ADCK1: variants seen among roughly 807,000 people sequenced by gnomAD.
The protein encoded by ADCK1 is aarF domain containing kinase 1, also known as aarF domain-containing protein kinase 1.
Under a neutral mutation model 52.3 loss-of-function variants are expected in ADCK1, and 41 were observed. That is an observed-to-expected ratio of 0.78 (90% CI 0.61 to 1.02). The LOEUF is 1.02. ADCK1 is among the 50% of genes least tolerant of loss of function. ADCK1 has a pLI of 0.00. For missense variants in ADCK1, 658 were observed against 679.5 expected, an observed-to-expected ratio of 0.97 and a Z score of 0.35; for synonymous variants, 250 against 274.6, an observed-to-expected ratio of 0.91 and a Z score of 0.89.
At chr14:77,863,428 C>T (rs1336736997) in intron 4 of ADCK1, among the ~76,000 whole-genome samples, 2 of 152,074 alleles carry the variant, frequency 1.3e-5, no homozygotes, top group African/African-American at 2.4e-5. Flanking sequence ...GTCAGCCACA[C>T]TATGCTGTTA....
chr14:77,883,379 G>A (rs930600771), intron 4 of ADCK1, among the ~76,000 whole-genome samples: 3 of 144,394 alleles, frequency 2.1e-5, no homozygotes, highest in African/African-American at 7.6e-5. Context: ...TGATTGGAGG[G>A]GGGTGGTGTT....
In ADCK1 at chr14:77,899,186, G is replaced by A; in HGVS notation, c.669G>A (p.Glu223=). 1 of 1,614,200 alleles carries A rather than the reference G, an allele frequency of 6.2e-7. No homozygotes were observed. The highest frequency in any genetic ancestry group is 8.5e-7 in the Non-Finnish European group (1 of 1,180,036). Residue 223 remains glutamate, a synonymous_variant, in exon 6 of 11, where the codon GAG becomes GAA. Transcript: ENST00000238561. ...VDEAKKNLPL[E]LDFLNEGRNA... ...AAGCCAAGAAGAACCTGCCTTTGGA[G>A]CTGGATTTCCTCAATGAAGGGAGGA...
intron 6 of ADCK1, among the ~76,000 whole-genome samples, chr14:77,901,076 G>A (rs185179916): frequency 1.0e-3 from 146 of 145,148 alleles, no homozygotes; most frequent in African/African-American, 3.4e-3. Context: ...ACAGAGTCTC[G>A]CTCTGTTGCC....
intron 7 of ADCK1, chr14:77,914,622 C>A (rs10150472): frequency 2.0e-6 from 2 of 980,904 alleles, no homozygotes; most frequent in African/African-American, 3.5e-5. Context: ...AAGTTAGGGC[C>A]CCTGAGATTG....
intron 4 of ADCK1, among the ~76,000 whole-genome samples, chr14:77,877,018 C>G (rs1325505368): frequency 1.5e-5 from 2 of 136,646 alleles, no homozygotes; most frequent in East Asian, 4.7e-4. Context: ...AGTTCGAGAC[C>G]ATCCTGGCCA....
At chr14:77,911,732 C>CTT (rs572112070) in intron 7 of ADCK1, among the ~76,000 whole-genome samples, 24 of 139,082 alleles carry the variant, frequency 1.7e-4, no homozygotes, top group African/African-American at 5.5e-4. Flanking sequence ...CCCCAGCTTT[C>CTT]TTTTTTTTTT....
intron 2 of ADCK1, among the ~76,000 whole-genome samples, chr14:77,821,540 T>C (rs2081582279): frequency 1.3e-5 from 2 of 151,910 alleles, no homozygotes; most frequent in African/African-American, 2.4e-5. Context: ...ATCGTGGAGA[T>C]TGGAATTTTC....
chr14:77,922,963 C>T (rs2084097952), intron 7 of ADCK1, among the ~76,000 whole-genome samples: 1 of 152,130 alleles, frequency 6.6e-6, no homozygotes, highest in Non-Finnish European at 1.5e-5. Context: ...GAGGGTCTCA[C>T]GTTGAACGCA....
intron 7 of ADCK1, among the ~76,000 whole-genome samples, chr14:77,917,736 G>A (rs186291679): frequency 7.2e-5 from 11 of 152,114 alleles, no homozygotes; most frequent in Non-Finnish European, 1.0e-4. Flanking sequence ...TTCCTAAATG[G>A]CACTGTACTG....
At chr14:77,913,229 G>A (rs61990751) in intron 7 of ADCK1, among the ~76,000 whole-genome samples, 8,744 of 152,252 alleles carry the variant, frequency 0.057, 348 homozygotes, top group Non-Finnish European at 0.081. Flanking sequence ...CTGTCCAGGC[G>A]GTTCAGACAC....
chr14:77,860,610 G>C (rs1304949457), intron 4 of ADCK1, among the ~76,000 whole-genome samples: 4 of 152,154 alleles, frequency 2.6e-5, no homozygotes, highest in Admixed American at 2.6e-4. Flanking sequence ...CAAAGGGAGA[G>C]ACATTGAGTG....
chr14:77,854,626 G>T (rs1330061504), intron 3 of ADCK1, among the ~76,000 whole-genome samples: 1 of 143,248 alleles, frequency 7.0e-6, no homozygotes, highest in Non-Finnish European at 1.5e-5. Context: ...GTGTGATCTT[G>T]GTTCACTACA....
At chr14:77,894,698 ACAGT>A (rs1162079938) in intron 5 of ADCK1, among the ~76,000 whole-genome samples, 3 of 131,202 alleles carry the variant, frequency 2.3e-5, no homozygotes, top group South Asian at 2.5e-4. Flanking sequence ...ATTGTAAATA[ACAGT>A]CAGTCGTTTT....
intron 4 of ADCK1, among the ~76,000 whole-genome samples, chr14:77,883,880 C>T (rs1008878938): frequency 2.0e-5 from 3 of 152,130 alleles, no homozygotes; most frequent in African/African-American, 7.2e-5. Context: ...CTTGGGGCCC[C>T]CTTGATTCCC....
intron 3 of ADCK1, among the ~76,000 whole-genome samples, chr14:77,823,560 CTTTATTTATTTATTTA>C (rs66494884): frequency 0.043 from 5,867 of 137,116 alleles, 187 homozygotes; most frequent in South Asian, 0.13. Flanking sequence ...TCTTTCCCCC[CTTTATTTATTTATTTA>C]TTTATTTATT....
intron 3 of ADCK1, among the ~76,000 whole-genome samples, chr14:77,845,093 C>A (rs2082149876): frequency 6.6e-6 from 1 of 152,226 alleles, no homozygotes; most frequent in African/African-American, 2.4e-5. Context: ...TAAGTAGGGG[C>A]AGTAATTGGC....
rs1175916163 is a variant in ADCK1, at chr14:77,905,196, G to A, written c.742-2607G>A. 2.6e-5 allele frequency among the ~76,000 whole-genome samples: 4 copies of A among 151,952 alleles called. 1 individual carries two copies. The East Asian group carries it at 5.8e-4, about 22-fold the overall frequency. ...AGACTGGAATGGTGATGTTTGCAGG[G>A]AGACCAAAAAGGGGGAAACCGCAGT... On this transcript the variant is annotated intron_variant, in intron 6 of 10. Transcript: ENST00000238561.
rs55934334 is a variant in ADCK1 at position 77,907,836 on chromosome 14, C to A, written c.775C>A (p.Arg259=). 7.9e-5 allele frequency: 127 copies of A among 1,614,012 alleles called. No homozygotes were observed. In the East Asian group the frequency reaches 2.7e-3, roughly 35 times the overall value. Residue 259 remains arginine (R), a synonymous_variant, in exon 7 of 11, where the codon CGG becomes AGG. Coordinates refer to ENST00000238561, the MANE Select transcript of ADCK1 (RefSeq NM_020421.4). ...AATCCACTGGGACCTGTCCACGGAG[C>A]GGGTCCTCCTGATGGAGTTTGTGGA... ...PRIHWDLSTE[R]VLLMEFVDGG...
intron 1 of ADCK1, among the ~76,000 whole-genome samples, chr14:77,804,452 T>C (rs905465603): frequency 4.6e-5 from 7 of 152,180 alleles, no homozygotes; most frequent in South Asian, 2.1e-4. Flanking sequence ...CTGAGGACAT[T>C]TGCACGAAAA....
Sources: allele counts gnomAD v4.1 joint callset (sites outside exome capture counted in the v4.1 genomes callset), GRCh38; gene constraint gnomAD v4.1.1; transcripts MANE v1.5; gene names NCBI Gene and HGNC (gene_info 2026-07-23, HGNC 2026-07-21).